Variants in GPRC5D observed in about 807,000 individuals in gnomAD.
The protein encoded by GPRC5D is G protein-coupled receptor family C group 5 member D.
A neutral mutation model predicts 29.3 loss-of-function variants in GPRC5D; 20 were observed. That is an observed-to-expected ratio of 0.68 (90% CI 0.48 to 0.99). GPRC5D has a LOEUF of 0.99. Among genes scored for constraint, GPRC5D ranks in the 50% least tolerant of loss-of-function variants. GPRC5D has a pLI of 0.00. For missense variants in GPRC5D, 384 were observed against 423.6 expected, an observed-to-expected ratio of 0.91 and a Z score of 0.82; for synonymous variants, 178 against 171.3, an observed-to-expected ratio of 1.04 and a Z score of -0.30.
chr12:12,951,133 AAC>A (rs1264692608), upstream of GPRC5D, among the ~76,000 whole-genome samples: 1 of 152,122 alleles, frequency 6.6e-6, no homozygotes, highest in African/African-American at 2.4e-5. Flanking sequence ...AAAAACAAAA[AAC>A]ACACAAACAA....
In GPRC5D at chr12:12,942,253, A is replaced by C. The variant is rs1401098967; in HGVS notation, c.963+8T>G. On this transcript the variant is annotated splice_region_variant and intron_variant, in intron 2 of 2. Transcript: ENST00000228887. Reference sequence around the variant, plus strand: ...CCCTCCTGGGTGAATATAGGCGAGTACATTTACCTGCGGCTGAATGGGAGT... The same window carrying C: ...CCCTCCTGGGTGAATATAGGCGAGTCCATTTACCTGCGGCTGAATGGGAGT... 9 of 1,575,146 alleles carry C rather than the reference A, an allele frequency of 5.7e-6. No individual in the cohort carries two copies. The highest frequency in any genetic ancestry group is 7.9e-6 in the Non-Finnish European group (9 of 1,144,382).
At chr12:12,942,579 A>G (rs1424025569) in intron 1 of GPRC5D, among the ~76,000 whole-genome samples, 1 of 152,208 alleles carries the variant, frequency 6.6e-6, no homozygotes, top group African/African-American at 2.4e-5. Context: ...CACTAAAAAT[A>G]CAAAAATTAG....
chr12:12,950,206 A>T, exon 1 of GPRC5D: 1 of 1,613,862 alleles, frequency 6.2e-7, no homozygotes, highest in African/African-American at 1.3e-5. Context: ...CTGGGTGGGG[A>T]GGACATTCCA....
At chr12:12,949,393 T>A in intron 1 of GPRC5D, 97 bp downstream of exon 2, 1 of 1,059,500 alleles carries the variant, frequency 9.4e-7, no homozygotes, top group Non-Finnish European at 1.4e-6. Flanking sequence ...CTGACCATTT[T>A]CTTTTAGTTT....
At chr12:12,945,144 C>T (rs1863281139) in intron 1 of GPRC5D, among the ~76,000 whole-genome samples, 1 of 151,462 alleles carries the variant, frequency 6.6e-6, no homozygotes, top group Non-Finnish European at 1.5e-5. Context: ...GCAGGGACTA[C>T]GGGTGCCCGA....
At chr12:12,947,022 C>G (rs540196821) in intron 1 of GPRC5D, 1 of 152,308 alleles carries the variant, frequency 6.6e-6, no homozygotes, top group Admixed American at 6.5e-5. Flanking sequence ...ACTGTCTTCA[C>G]CTTTCCACAC....
intron 1 of GPRC5D, among the ~76,000 whole-genome samples, chr12:12,942,739 T>C (rs868636293): frequency 3.9e-5 from 6 of 152,084 alleles, no homozygotes; most frequent in Middle Eastern, 6.8e-3. Flanking sequence ...AATAAATAAA[T>C]AAATAAGAGG....
Position 12,946,460 on chromosome 12 carries a change from CTCTT to C in GPRC5D, c.895+3026_895+3029del, listed in dbSNP as rs1456790824. 2.7e-5 allele frequency among the ~76,000 whole-genome samples: 4 copies of C among 146,408 alleles called. 1 individual carries two copies. The highest frequency in any genetic ancestry group is 1.0e-4 in the African/African-American group (4 of 39,916). On this transcript the variant is annotated intron_variant, in intron 1 of 2. Transcript: ENST00000228887. Reference sequence around the variant, plus strand: ...TTTCTCTCTCTCTCTCTCTCTTTCTCTCTTTCTTTCTTTCGACGCAGCCTTGCTC... The same window carrying C: ...TTTCTCTCTCTCTCTCTCTCTTTCTCTCTTTCTTTCGACGCAGCCTTGCTC...
rs548127827 is a variant in GPRC5D, at chr12:12,944,740, T to TCTTC, written c.896-2416_896-2413dup. Among the ~76,000 whole-genome samples, 3 of 124,326 alleles carry TCTTC rather than the reference T, an allele frequency of 2.4e-5. 1 individual carries two copies. Among genetic ancestry groups the TCTTC allele is most frequent in the African/African-American group, 8.1e-5 (3 of 37,084 alleles). 81.6% of individuals were successfully genotyped at this position (124,326 alleles called of 152,430 possible). On this transcript the variant is annotated intron_variant, in intron 1 of 2. Transcript: ENST00000228887. The stretch of plus-strand genomic sequence containing the variant: ...AATGCCTACAGTACTGTGACACCTT[T>TCTTC]CTTCCTTCCTTCCTTCCTTTCTTCC...
At chr12:12,948,421 A>G (rs534068677) in intron 1 of GPRC5D, 2 of 154,396 alleles carry the variant, frequency 1.3e-5, no homozygotes, top group South Asian at 4.1e-4. Context: ...ATTTAATTTG[A>G]ATGCGCAACT....
downstream of GPRC5D, chr12:12,940,705 C>A: frequency 1.1e-6 from 1 of 876,158 alleles, no homozygotes; most frequent in Non-Finnish European, 1.9e-6. Context: ...CTGTGGGCCC[C>A]CGTGGGCTAT....
chr12:12,941,843 A>C (rs1405801198), intron 2 of GPRC5D, among the ~76,000 whole-genome samples: 2 of 152,186 alleles, frequency 1.3e-5, no homozygotes, highest in Non-Finnish European at 2.9e-5. Context: ...AGTGACTCAG[A>C]GAGGCAGTCA....
At chr12:12,942,201 G>T in intron 2 of GPRC5D, 60 bp downstream of exon 3, 1 of 1,052,064 alleles carries the variant, frequency 9.5e-7, no homozygotes, top group Non-Finnish European at 1.5e-6. Flanking sequence ...GCCTGAGGCT[G>T]TCCTAAGGAA....
At position 12,944,850 on chromosome 12, in the gene GPRC5D, CTTCTTTCTTTCTTTCT is replaced by C. The variant is rs57581481; in HGVS notation, c.896-2538_896-2523del. Among the ~76,000 whole-genome samples, 103 of 34,474 alleles carry C rather than the reference CTTCTTTCTTTCTTTCT, an allele frequency of 3.0e-3. 7 individuals carry two copies. The East Asian group carries it at 0.044, about 15-fold the overall frequency. The allele number at this position is 34,474 out of a possible 152,430, so 22.6% of individuals were successfully genotyped here. On this transcript the variant is annotated intron_variant, in intron 1 of 2. Transcript: ENST00000228887. ...CCTTCCTTCCTTCCTTCCTTCCTTC[CTTCTTTCTTTCTTTCT>C]TTCTTTCTTTCTTTCTTTCTTTCTT...
At chr12:12,940,739 TCTG>T (rs773815840), downstream of GPRC5D, 48 of 1,286,438 alleles carry the variant, frequency 3.7e-5, no homozygotes, top group African/African-American at 6.4e-4. Context: ...CCCAGGACGG[TCTG>T]CTGGGTTTTC....
intron 1 of GPRC5D, among the ~76,000 whole-genome samples, chr12:12,948,776 G>A (rs1395877284): frequency 1.3e-5 from 2 of 152,168 alleles, no homozygotes; most frequent in Non-Finnish European, 2.9e-5. Context: ...ACAAAGTGGA[G>A]TCAGGTGGCT....
chr12:12,948,704 T>G (rs1863414867), intron 1 of GPRC5D: 1 of 152,244 alleles, frequency 6.6e-6, no homozygotes. Flanking sequence ...TAGCCACTAT[T>G]TCCCCCAGGT....
chr12:12,943,376 C>G (rs1403662357), intron 1 of GPRC5D, among the ~76,000 whole-genome samples: 1 of 152,166 alleles, frequency 6.6e-6, no homozygotes, highest in Non-Finnish European at 1.5e-5. Context: ...GCTTGGCTCT[C>G]TCATTTGTGT....
At chr12:12,950,005 G>T in exon 1 of GPRC5D, 1 of 1,614,074 alleles carries the variant, frequency 6.2e-7, no homozygotes, top group Non-Finnish European at 8.5e-7. Flanking sequence ...CAGAATTGTC[G>T]TCCAGGAGAA....
Sources: allele counts gnomAD v4.1 joint callset (sites outside exome capture counted in the v4.1 genomes callset), GRCh38; gene constraint gnomAD v4.1.1; transcripts MANE v1.5; gene names NCBI Gene and HGNC (gene_info 2026-07-23, HGNC 2026-07-21).